ACSL1: variants seen among roughly 807,000 people sequenced by gnomAD.
The protein encoded by ACSL1 is long-chain-fatty-acid--CoA ligase 1.
Under a neutral mutation model 98.4 loss-of-function variants are expected in ACSL1, and 41 were observed. The observed-to-expected ratio is 0.42, with a 90% CI of 0.32 to 0.54. ACSL1 has a LOEUF of 0.54. Among genes scored for constraint, ACSL1 ranks in the 20% least tolerant of loss-of-function variants. The pLI, the probability that ACSL1 is intolerant of heterozygous loss-of-function variation, is 0.13. For missense variants in ACSL1, 734 were observed against 883.1 expected, an observed-to-expected ratio of 0.83 and a Z score of 2.14; for synonymous variants, 316 against 322.7, an observed-to-expected ratio of 0.98 and a Z score of 0.22.
At chr4:184,783,352 T>C (rs761839726) in intron 4 of ACSL1, among the ~76,000 whole-genome samples, 1 of 152,186 alleles carries the variant, frequency 6.6e-6, no homozygotes, top group Non-Finnish European at 1.5e-5. Context: ...TCCCCGAACA[T>C]CTGTGTTCCT....
Position 184,756,938 on chromosome 4 carries a change from A to T in ACSL1, c.*187T>A. ...TATTACCATAAACATGGTCTGCAAC[A>T]TGAGGTGACTGTAAGGCAGTGTTCT... On this transcript the variant is annotated 3_prime_UTR_variant, in exon 21 of 21. Transcript: ENST00000281455. The T allele has an allele frequency of 1.6e-6, 1 of 626,788 alleles. No homozygotes were observed. Among genetic ancestry groups the T allele is most frequent in the Non-Finnish European group, 2.6e-6 (1 of 389,136 alleles). The allele number at this position is 626,788 out of a possible 1,614,324, so 38.8% of individuals were successfully genotyped here. A position where few individuals can be genotyped will look rare whatever the true frequency, so the allele number is the denominator to read the frequency against.
chr4:184,823,059 C>G (rs778888857), intron 1 of ACSL1, among the ~76,000 whole-genome samples: 11 of 152,216 alleles, frequency 7.2e-5, no homozygotes, highest in Non-Finnish European at 1.2e-4. Context: ...CTGCCTGCAG[C>G]TTCAGATCAG....
rs534233019 is a variant in ACSL1 at position 184,803,121 on chromosome 4, G to A, written c.195+199C>T. On this transcript the variant is annotated intron_variant, in intron 2 of 20. Transcript: ENST00000281455. This position sits in a 1 kb window ranked among gnomAD's most constrained non-coding sequence, Gnocchi z 4.8. ...TGTGACGAGAGGTAGACACCCAACCGACACCCTCTCATCTGTCCCTGTGCC... is the reference window on the plus strand; with the variant it reads ...TGTGACGAGAGGTAGACACCCAACCAACACCCTCTCATCTGTCCCTGTGCC... Among the ~76,000 whole-genome samples the A allele has an allele frequency of 3.3e-5, 5 of 152,214 alleles. No homozygotes were observed. The highest frequency in any genetic ancestry group is 1.9e-4 in the East Asian group (1 of 5,184).
At chr4:184,817,226 G>A (rs1471274340) in intron 1 of ACSL1, among the ~76,000 whole-genome samples, 1 of 151,984 alleles carries the variant, frequency 6.6e-6, no homozygotes, top group Non-Finnish European at 1.5e-5. Flanking sequence ...GGCATTCAGA[G>A]GTCTCTCATG....
chr4:184,778,533 G>A (rs1258347004), intron 5 of ACSL1, among the ~76,000 whole-genome samples: 1 of 152,116 alleles, frequency 6.6e-6, no homozygotes, highest in Non-Finnish European at 1.5e-5. Context: ...CTACTCAGGT[G>A]CCACCTCCAG....
intron 1 of ACSL1, among the ~76,000 whole-genome samples, chr4:184,818,910 T>C (rs55844975): frequency 0.12 from 18,395 of 152,072 alleles, 1,289 homozygotes; most frequent in Non-Finnish European, 0.15. Flanking sequence ...TTAGTTTCCA[T>C]ATGAAGGGCG....
chr4:184,796,449 C>G (rs1376901406), intron 2 of ACSL1, among the ~76,000 whole-genome samples: 1 of 152,232 alleles, frequency 6.6e-6, no homozygotes, highest in Admixed American at 6.5e-5. Flanking sequence ...TGCTGGAATA[C>G]TTTTCAGGAA....
intron 15 of ACSL1, 81 bp from the exon 16 acceptor site, chr4:184,763,336 A>T: frequency 7.8e-7 from 1 of 1,278,352 alleles, no homozygotes; most frequent in Non-Finnish European, 1.1e-6. Context: ...AGCAAACAGG[A>T]TTCCACATAA....
Position 184,773,547 on chromosome 4 carries a change from C to T in ACSL1, c.841+116G>A, listed in dbSNP as rs1319835860. The T allele has an allele frequency of 2.0e-6, 2 of 980,582 alleles. No homozygotes were observed. The highest frequency in any genetic ancestry group is 1.7e-5 in the African/African-American group (1 of 60,316). The allele number at this position is 980,582 out of a possible 1,614,324, so 60.7% of individuals were successfully genotyped here. ...CAAGAAGACAGCACTTGAACCGCTT[C>T]CTTCTCTTCTGCTTTTGGTCCGTCT... On this transcript the variant is annotated intron_variant, in intron 9 of 20. Coordinates refer to ENST00000281455, the MANE Select transcript of ACSL1 (RefSeq NM_001995.5). This position sits in a 1 kb window ranked among gnomAD's most constrained non-coding sequence, Gnocchi z 4.3.
intron 2 of ACSL1, among the ~76,000 whole-genome samples, chr4:184,793,849 G>A (rs1169475438): frequency 2.2e-4 from 33 of 152,076 alleles, no homozygotes; most frequent in Admixed American, 2.2e-3. Flanking sequence ...CCTAACATGT[G>A]GTCTATACAG....
intron 3 of ACSL1, among the ~76,000 whole-genome samples, chr4:184,786,432 A>G (rs371343945): frequency 0.064 from 9,272 of 144,160 alleles, 407 homozygotes; most frequent in South Asian, 0.092. Context: ...ACACACACAC[A>G]CACACACACA....
At chr4:184,784,141 T>A (rs1766815069) in intron 3 of ACSL1, 150 bp from the exon 4 acceptor site, 2 of 644,050 alleles carry the variant, frequency 3.1e-6, no homozygotes, top group Admixed American at 3.0e-5. Flanking sequence ...ATTGGAAATG[T>A]TTTCTCCCTC....
chr4:184,784,660 A>G (rs1766909187), intron 3 of ACSL1, among the ~76,000 whole-genome samples: 1 of 152,234 alleles, frequency 6.6e-6, no homozygotes, highest in Admixed American at 6.5e-5. Flanking sequence ...TGGCTTTAGC[A>G]TATTAGGTCT....
At position 184,762,531 on chromosome 4, in the gene ACSL1, AAAG is replaced by A. The variant is rs775339637; in HGVS notation, c.1522-11_1522-9del. The A allele has an allele frequency of 3.1e-6, 5 of 1,610,260 alleles. No homozygotes were observed. The African/African-American group carries it at 5.3e-5, about 17-fold the overall frequency. On this transcript the variant is annotated splice_polypyrimidine_tract_variant and intron_variant, in intron 16 of 20. Coordinates refer to ENST00000281455, the MANE Select transcript of ACSL1 (RefSeq NM_001995.5). ...TGGCCCTTTCACACACACCTAAAGA[AAAG>A]AAGATCATCAGTGAACAGCATTTAC...
At chr4:184,765,105 G>A (rs559484771) in intron 14 of ACSL1, among the ~76,000 whole-genome samples, 180 bp from the exon 15 acceptor site, 5 of 152,226 alleles carry the variant, frequency 3.3e-5, no homozygotes, top group East Asian at 1.9e-4. Context: ...AACACCAGCC[G>A]TCACCCAGGT....
intron 5 of ACSL1, 46 bp from the exon 6 acceptor site, chr4:184,777,029 T>G (rs78251730): frequency 0.014 from 21,019 of 1,521,480 alleles, 198 homozygotes; most frequent in African/African-American, 0.035. Context: ...GATGTCATCA[T>G]GTAATCAATA....
chr4:184,797,076 C>T (rs933573180), intron 2 of ACSL1, among the ~76,000 whole-genome samples: 12 of 152,184 alleles, frequency 7.9e-5, no homozygotes, highest in African/African-American at 2.7e-4. Context: ...CCTTCCTGCC[C>T]ACTCCTGGCA....
chr4:184,826,047 G>A, upstream of ACSL1: 1 of 147,840 alleles, frequency 6.8e-6, no homozygotes, highest in Non-Finnish European at 1.5e-5. Context: ...CCCCGCCACC[G>A]CCGCGGCTGA....
At chr4:184,799,929 T>C (rs556185723) in intron 2 of ACSL1, among the ~76,000 whole-genome samples, 2 of 152,210 alleles carry the variant, frequency 1.3e-5, no homozygotes, top group South Asian at 4.1e-4. Context: ...TCTGGACAGA[T>C]CCAAACTTTC....
Sources: gnomAD v4.1 joint callset for allele counts (sites outside exome capture counted in the v4.1 genomes callset) on GRCh38, gnomAD v4.1.1 for gene constraint, Gnocchi (gnomAD v3.1) non-coding constraint, MANE v1.5 for transcripts, NCBI Gene and HGNC (gene_info 2026-07-23, HGNC 2026-07-21) for gene names.